CABIN1: variants seen among roughly 807,000 people sequenced by gnomAD.
The protein encoded by CABIN1 is calcineurin binding protein 1.
A neutral mutation model predicts 227.7 loss-of-function variants in CABIN1; 133 were observed. The observed-to-expected ratio is 0.58, with a 90% CI of 0.51 to 0.67. The LOEUF (loss-of-function observed/expected upper bound fraction) is 0.67. Ranked by LOEUF, CABIN1 falls within the 30% of genes least tolerant of loss-of-function variation. The probability of loss-of-function intolerance (pLI) is 0.00; values close to 1 mark genes in which losing one functional copy is unlikely to be tolerated. For synonymous variants in CABIN1, 1,086 were observed against 1,155.1 expected, an observed-to-expected ratio of 0.94 and a Z score of 1.21; for missense variants, 2,408 against 2,852.5, an observed-to-expected ratio of 0.84 and a Z score of 3.55.
rs1411757083 is a variant in CABIN1 at position 24,084,715 on chromosome 22, T to C, written c.3047T>C (p.Val1016Ala). ...CTACTGAAGAGAATTGCCACCATTG[T>C]GCCTCGCACAGAGAGGCCAGCCCTT... ...ANLLKRIATIVPRTERPALSL... is the reference protein window; with the variant it reads ...ANLLKRIATIAPRTERPALSL... The change falls in exon 21 of 37, where the codon GTG becomes GCG. Residue 1016 changes from valine (V) to alanine (A), a missense_variant. Physicochemically the swap from Val to Ala is moderately conservative, Grantham distance 64. This residue lies in a region of CABIN1 where 649 missense variants were observed against 910.3 expected (regional missense o/e 0.71). Coordinates refer to ENST00000263119, the MANE Select transcript of CABIN1 (RefSeq NM_012295.4). 1.9e-6 allele frequency: 3 copies of C among 1,614,138 alleles called. No individual in the cohort carries two copies. The highest frequency in any genetic ancestry group is 1.6e-4 in the Middle Eastern group (1 of 6,084).
At chr22:24,142,029 G>T (rs923336630) in intron 29 of CABIN1, among the ~76,000 whole-genome samples, 1 of 152,116 alleles carries the variant, frequency 6.6e-6, no homozygotes, top group Non-Finnish European at 1.5e-5. Context: ...CCAGGGTACT[G>T]TCCTTCTCAG....
At chr22:24,119,217 C>T (rs908858243) in intron 27 of CABIN1, 150 bp from the exon 28 acceptor site, 13 of 730,734 alleles carry the variant, frequency 1.8e-5, no homozygotes, top group Admixed American at 6.2e-5. Flanking sequence ...CCCTGTGCCT[C>T]CTGCTGCTGG....
intron 27 of CABIN1, 131 bp downstream of exon 27, chr22:24,113,879 C>T (rs1169517660): frequency 8.3e-6 from 8 of 964,810 alleles, no homozygotes; most frequent in South Asian, 1.4e-5. Flanking sequence ...CATTTTTCTC[C>T]CTGTAGGATG....
intron 34 of CABIN1, among the ~76,000 whole-genome samples, chr22:24,174,508 C>A (rs1056922530): frequency 1.3e-5 from 2 of 152,190 alleles, no homozygotes; most frequent in African/African-American, 4.8e-5. Context: ...AGCTGACTTA[C>A]TCCCACGAAG....
At chr22:24,069,300 A>AT (rs1387406749) in intron 16 of CABIN1, among the ~76,000 whole-genome samples, 5 of 151,758 alleles carry the variant, frequency 3.3e-5, no homozygotes, top group Admixed American at 2.0e-4. Flanking sequence ...AACCCTATTG[A>AT]TTTTTTTGTG....
rs780377579 is a variant in CABIN1, at chr22:24,167,051, G to A, written c.5420G>A (p.Arg1807Gln). The change falls in exon 32 of 37, where the codon CGG becomes CAG. Residue 1807 changes from arginine to glutamine, a missense_variant. Arg to Gln is a conservative substitution (Grantham distance 43). Coordinates refer to ENST00000263119, the MANE Select transcript of CABIN1 (RefSeq NM_012295.4). ...LSLEELSISA[R>Q]QQPTPLTPAQ... is the part of the protein sequence containing the mutation. The stretch of plus-strand genomic sequence containing the variant: ...CTGGAGGAGCTGAGCATCAGTGCCC[G>A]GCAGCAGCCCACCCCGCTCACCCCA... 9.1e-6 allele frequency: 14 copies of A among 1,546,506 alleles called. No homozygotes were observed. Among genetic ancestry groups the A allele is most frequent in the Middle Eastern group, 2.2e-4 (1 of 4,530 alleles).
At chr22:24,087,273 AG>A (rs1252177778) in intron 22 of CABIN1, among the ~76,000 whole-genome samples, 178 bp from the exon 23 acceptor site, 3 of 152,238 alleles carry the variant, frequency 2.0e-5, no homozygotes, top group African/African-American at 7.2e-5. Flanking sequence ...ATGAAGGCTC[AG>A]AGACATGACT....
intron 19 of CABIN1, among the ~76,000 whole-genome samples, chr22:24,083,001 G>A (rs1235891008): frequency 1.3e-5 from 2 of 152,214 alleles, no homozygotes; most frequent in East Asian, 3.8e-4. Flanking sequence ...AACCCATCAG[G>A]AGGCTACTGT....
chr22:24,025,650 A>C (rs1160772867), intron 1 of CABIN1, among the ~76,000 whole-genome samples: 2 of 152,140 alleles, frequency 1.3e-5, no homozygotes, highest in Admixed American at 6.6e-5. Flanking sequence ...TTAAGTGTTC[A>C]GTCAGGTTGC....
intron 29 of CABIN1, among the ~76,000 whole-genome samples, chr22:24,142,770 A>G (rs2044847704): frequency 6.6e-6 from 1 of 152,232 alleles, no homozygotes; most frequent in Non-Finnish European, 1.5e-5. Flanking sequence ...GCCTCCCAGC[A>G]GGTAAACAAG....
At chr22:24,124,036 TG>T (rs1203254573) in intron 28 of CABIN1, among the ~76,000 whole-genome samples, 2 of 152,218 alleles carry the variant, frequency 1.3e-5, no homozygotes, top group Non-Finnish European at 2.9e-5. Context: ...CAGGGCACAG[TG>T]TGCCACTTGC....
chr22:24,030,180 C>T (rs1247451094), intron 1 of CABIN1, among the ~76,000 whole-genome samples: 7 of 152,158 alleles, frequency 4.6e-5, no homozygotes, highest in East Asian at 1.9e-4. Context: ...CAAACCTGTT[C>T]GGAGCTCTTG....
rs755908217 is a variant in CABIN1, at chr22:24,177,716, G to A, written c.6418G>A (p.Ala2140Thr). Residue 2140 changes from alanine (A) to threonine (T), a missense_variant, in exon 36 of 37, where the codon GCC (alanine) becomes ACC (threonine). Ala to Thr is a moderately conservative substitution (Grantham distance 58). Around this residue, in one of 3 missense-constraint regions of CABIN1, gnomAD observed 714 missense variants for 773.8 expected, o/e 0.92. Coordinates refer to ENST00000263119, the MANE Select transcript of CABIN1 (RefSeq NM_012295.4). The surrounding 1 kb of genome is among the most constrained non-coding windows in gnomAD (Gnocchi z 4.4). ...PNMPKLVIPSAATKFPPEITV... is the reference protein window; with the variant it reads ...PNMPKLVIPSTATKFPPEITV... The stretch of plus-strand genomic sequence containing the variant: ...CATGCCAAAGCTGGTCATCCCCTCC[G>A]CCGCCACCAAGTTCCCCCCTGAGAT... The A allele has an allele frequency of 1.5e-5, 24 of 1,612,732 alleles. No homozygotes were observed. Among genetic ancestry groups the A allele is most frequent in the South Asian group, 9.9e-5 (9 of 91,022 alleles).
rs76073651 is a variant in CABIN1, at chr22:24,100,155, T to A, written c.4117+1963T>A. Among the ~76,000 whole-genome samples, 1,335 of 152,170 alleles carry A rather than the reference T, an allele frequency of 8.8e-3. 13 individuals carry two copies. Among genetic ancestry groups the A allele is most frequent in the African/African-American group, 0.03 (1,227 of 41,450 alleles). On this transcript the variant is annotated intron_variant, in intron 26 of 36. Transcript: ENST00000263119. The stretch of plus-strand genomic sequence containing the variant: ...GTTTTGAACATTTGTTTAAAAAAAA[T>A]GTCTTCAAAGTGATTCCTGTCAAAG...
intron 28 of CABIN1, among the ~76,000 whole-genome samples, chr22:24,125,355 C>T (rs1158244753): frequency 1.3e-5 from 2 of 152,216 alleles, no homozygotes; most frequent in Non-Finnish European, 2.9e-5. Flanking sequence ...TGTGAACCCC[C>T]ACCCCTTGCC....
chr22:24,166,611 C>T (rs775727775), intron 31 of CABIN1, 28 bp from the exon 32 acceptor site: 1 of 1,612,618 alleles, frequency 6.2e-7, no homozygotes, highest in Non-Finnish European at 8.5e-7. Flanking sequence ...ACCAGCGACA[C>T]AGCTTCTTAC....
chr22:24,178,250 G>GC lies in CABIN1; in HGVS notation c.*59dup. 1 of 1,606,760 alleles carries GC rather than the reference G, an allele frequency of 6.2e-7. No homozygotes were observed. ...CCAGGGGACCAGCCAGGCCTGGAAT[G>GC]CCCCCTGGGCAGGACCCTGGGCAGG... is the stretch of plus-strand genomic sequence containing the variant. On this transcript the variant is annotated 3_prime_UTR_variant, in exon 37 of 37. Coordinates refer to ENST00000263119, the MANE Select transcript of CABIN1 (RefSeq NM_012295.4).
chr22:24,049,688 C>T (rs1237090579), intron 7 of CABIN1, among the ~76,000 whole-genome samples: 1 of 152,200 alleles, frequency 6.6e-6, no homozygotes, highest in Non-Finnish European at 1.5e-5. Context: ...CCATAGTTCT[C>T]CCACGTCACC....
chr22:24,168,177 CTGGTGGTG>C (rs1291035901), intron 32 of CABIN1, among the ~76,000 whole-genome samples: 3 of 152,246 alleles, frequency 2.0e-5, no homozygotes, highest in Non-Finnish European at 4.4e-5. Flanking sequence ...GCACCAGTAC[CTGGTGGTG>C]TGGCACCTGA....
Sources: allele counts gnomAD v4.1 joint callset (sites outside exome capture counted in the v4.1 genomes callset), GRCh38; gene constraint gnomAD v4.1.1; regional missense constraint gnomAD v4.1.1; non-coding constraint Gnocchi (gnomAD v3.1); transcripts MANE v1.5; gene names NCBI Gene and HGNC (gene_info 2026-07-23, HGNC 2026-07-21).